The following MET variants were observed in gnomAD, a reference collection of about 807,000 sequenced individuals.
The protein encoded by MET is hepatocyte growth factor receptor.
A neutral mutation model predicts 133.1 loss-of-function variants in MET; 48 were observed. The ratio of observed to expected loss-of-function variants is 0.36; its 90% confidence interval spans 0.29 to 0.46. The LOEUF (loss-of-function observed/expected upper bound fraction) is 0.46. Among genes scored for constraint, MET ranks in the 20% least tolerant of loss-of-function variants. MET has a pLI of 1.00. For missense variants in MET, 1,442 were observed against 1,695.9 expected, an observed-to-expected ratio of 0.85 and a Z score of 2.63; for synonymous variants, 628 against 616.5, an observed-to-expected ratio of 1.02 and a Z score of -0.28.
chr7:116,710,579 A>G (rs1791958182), intron 2 of MET, among the ~76,000 whole-genome samples: 1 of 152,166 alleles, frequency 6.6e-6, no homozygotes, highest in South Asian at 2.1e-4. Flanking sequence ...TAGATTTTGC[A>G]CAGAAAAACA....
At chr7:116,754,611 A>G (rs529945568) in intron 5 of MET, among the ~76,000 whole-genome samples, 4 of 152,050 alleles carry the variant, frequency 2.6e-5, no homozygotes, top group African/African-American at 9.6e-5. Flanking sequence ...ACTTGAGCCC[A>G]GGAGTTTGAG....
chr7:116,748,625 A>G lies in MET; in HGVS notation c.1702-6730A>G, dbSNP rs141179034. Among the ~76,000 whole-genome samples the G allele has an allele frequency of 9.5e-4, 145 of 152,354 alleles. 1 individual carries two copies. Among genetic ancestry groups the G allele is most frequent in the African/African-American group, 3.2e-3 (131 of 41,582 alleles). Reference sequence around the variant, plus strand: ...CAGAAGACAAGAAATAACTAAGATCAGAGCAGAACTGAAGGACATAGAGAC... The same window carrying G: ...CAGAAGACAAGAAATAACTAAGATCGGAGCAGAACTGAAGGACATAGAGAC... On this transcript the variant is annotated intron_variant, in intron 5 of 20. Coordinates refer to ENST00000397752, the MANE Select transcript of MET (RefSeq NM_000245.4).
intron 8 of MET, 108 bp downstream of exon 8, chr7:116,757,882 T>A: frequency 8.0e-7 from 1 of 1,248,664 alleles, no homozygotes; most frequent in African/African-American, 1.5e-5. Flanking sequence ...AAAATCAAGA[T>A]GTTTATTTGT....
chr7:116,693,057 T>C (rs988531077), intron 1 of MET, among the ~76,000 whole-genome samples: 6 of 152,172 alleles, frequency 3.9e-5, no homozygotes, highest in Admixed American at 2.6e-4. Flanking sequence ...ATTTCTGGAG[T>C]ATTTCACTAC....
chr7:116,681,742 C>T (rs12530841), intron 1 of MET, among the ~76,000 whole-genome samples: 3 of 152,108 alleles, frequency 2.0e-5, no homozygotes, highest in Non-Finnish European at 4.4e-5. Flanking sequence ...AATGGCTACA[C>T]TGTCCAAAGT....
At chr7:116,745,013 T>C (rs1032698519) in intron 5 of MET, among the ~76,000 whole-genome samples, 5 of 152,224 alleles carry the variant, frequency 3.3e-5, no homozygotes, top group African/African-American at 1.2e-4. Context: ...ATGACATGAT[T>C]GTATATTTAG....
At chr7:116,739,869 T>C (rs1231341397) in intron 3 of MET, 81 bp from the exon 4 acceptor site, 3 of 1,593,986 alleles carry the variant, frequency 1.9e-6, no homozygotes, top group Admixed American at 3.3e-5. Context: ...AATCTGTTAT[T>C]ACCATTATCA....
At chr7:116,687,141 C>A (rs1187910563) in intron 1 of MET, among the ~76,000 whole-genome samples, 1 of 152,214 alleles carries the variant, frequency 6.6e-6, no homozygotes, top group African/African-American at 2.4e-5. Context: ...TCTTCTATTT[C>A]TTTCCTCTCC....
intron 2 of MET, among the ~76,000 whole-genome samples, chr7:116,702,311 A>T (rs1161726560): frequency 6.6e-6 from 1 of 152,124 alleles, no homozygotes; most frequent in Non-Finnish European, 1.5e-5. Flanking sequence ...AAATACCTTC[A>T]AACCTCCTCT....
At chr7:116,775,892 AAAGCAACATATATC>A (rs1446950110) in intron 15 of MET, among the ~76,000 whole-genome samples, 3 of 152,200 alleles carry the variant, frequency 2.0e-5, no homozygotes, top group Non-Finnish European at 4.4e-5. Context: ...CTCCTGATCT[AAAGCAACATATATC>A]ATCTCTACAA....
At chr7:116,757,801 T>G in intron 8 of MET, 27 bp downstream of exon 8, 1 of 1,608,714 alleles carries the variant, frequency 6.2e-7, no homozygotes, top group Non-Finnish European at 8.5e-7. Context: ...TTTTGTTGCA[T>G]CTGTCAATTT....
chr7:116,792,233 C>T (rs1303257051), intron 19 of MET, among the ~76,000 whole-genome samples: 1 of 152,112 alleles, frequency 6.6e-6, no homozygotes, highest in Non-Finnish European at 1.5e-5. Context: ...CCATCTTTCA[C>T]ATTTAATCAT....
chr7:116,716,628 C>G (rs1428090710), intron 2 of MET, among the ~76,000 whole-genome samples: 1 of 152,108 alleles, frequency 6.6e-6, no homozygotes, highest in African/African-American at 2.4e-5. Context: ...AAATAGGAAG[C>G]TGGAAGAGGA....
rs1357266763 is a variant in MET at position 116,774,982 on chromosome 7, A to T, written c.3130A>T (p.Ser1044Cys). The T allele has an allele frequency of 6.2e-7, 1 of 1,614,188 alleles. No individual in the cohort carries two copies. The highest frequency in any genetic ancestry group is 8.5e-7 in the Non-Finnish European group (1 of 1,180,012). ...ILTSGDSDIS[S>C]PLLQNTVHID... ...AACTAGTGGGGACTCTGATATATCC[A>T]GTCCATTACTGCAAAATACTGTCCA... The change falls in exon 15 of 21, where the codon AGT becomes TGT. Residue 1044 changes from serine to cysteine, a missense_variant. By Grantham distance (112) the Ser-to-Cys change is moderately radical. Transcript: ENST00000397752.
At position 116,786,393 on chromosome 7, in the gene MET, GAGTCCAAAAGCAATTATTCAGT is replaced by G. The variant is rs1283610015; in HGVS notation, c.3798+2945_3798+2966del. Among the ~76,000 whole-genome samples the G allele has an allele frequency of 4.6e-5, 7 of 152,284 alleles. No homozygotes were observed. The East Asian group carries it at 1.2e-3, about 25-fold the overall frequency. The stretch of plus-strand genomic sequence containing the variant: ...GTCAAGGCTGGGAATATGCTTTTGA[GAGTCCAAAAGCAATTATTCAGT>G]AGTCCAAAAGCAATTATTCAACTAC... On this transcript the variant is annotated intron_variant, in intron 19 of 20. Transcript: ENST00000397752.
chr7:116,762,911 AGTC>A, intron 10 of MET, 136 bp from the exon 11 acceptor site: 1 of 742,674 alleles, frequency 1.3e-6, no homozygotes, highest in South Asian at 1.6e-5. Context: ...AGAAATGTGT[AGTC>A]TAACATTAGG....
chr7:116,713,725 G>T (rs907019694), intron 2 of MET, among the ~76,000 whole-genome samples: 1 of 152,212 alleles, frequency 6.6e-6, no homozygotes, highest in African/African-American at 2.4e-5. Context: ...GGTCATGACA[G>T]TTGGATTAAT....
chr7:116,776,588 A>C (rs191043034), intron 15 of MET, among the ~76,000 whole-genome samples: 50 of 152,304 alleles, frequency 3.3e-4, no homozygotes, highest in African/African-American at 1.2e-3. Context: ...TCAAAAGCAT[A>C]AGTTTTATTT....
chr7:116,779,666 G>T (rs941267546), intron 17 of MET, among the ~76,000 whole-genome samples: 1 of 151,852 alleles, frequency 6.6e-6, no homozygotes, highest in Non-Finnish European at 1.5e-5. Flanking sequence ...AGGCTAGTTC[G>T]AACTGAAATG....
Sources: allele counts gnomAD v4.1 joint callset (sites outside exome capture counted in the v4.1 genomes callset), GRCh38; gene constraint gnomAD v4.1.1; transcripts MANE v1.5; gene names NCBI Gene and HGNC (gene_info 2026-07-23, HGNC 2026-07-21).